The following PRKCE variants were observed in gnomAD, a reference collection of about 807,000 sequenced individuals.
PRKCE encodes the protein protein kinase C epsilon type.
In PRKCE, 16 loss-of-function variants were observed where a neutral mutation model predicts 85.4. The ratio of observed to expected loss-of-function variants is 0.19; its 90% CI spans 0.13 to 0.28. The LOEUF is 0.28. PRKCE is among the 10% of genes least tolerant of loss of function. The probability of loss-of-function intolerance (pLI) is 1.00; values close to 1 mark genes in which losing one functional copy is unlikely to be tolerated. For missense variants in PRKCE, 573 were observed against 975.2 expected (o/e 0.59, Z 5.49); for synonymous variants, 388 against 371.5 (o/e 1.04, Z -0.51).
At chr2:45,991,729 C>A (rs1447674241) in intron 6 of PRKCE, among the ~76,000 whole-genome samples, 1 of 152,210 alleles carries the variant, frequency 6.6e-6, no homozygotes, top group African/African-American at 2.4e-5. Flanking sequence ...TCACTTTAAA[C>A]CCTTGTCTTT....
At chr2:46,029,499 C>A (rs954966888) in intron 10 of PRKCE, among the ~76,000 whole-genome samples, 67 of 152,122 alleles carry the variant, frequency 4.4e-4, no homozygotes, top group Admixed American at 2.9e-3. Context: ...AAGATCCTGT[C>A]TGTTCACTGC....
At chr2:45,848,157 G>A (rs998014373) in intron 2 of PRKCE, among the ~76,000 whole-genome samples, 1 of 152,146 alleles carries the variant, frequency 6.6e-6, no homozygotes, top group Non-Finnish European at 1.5e-5. Flanking sequence ...GATACATATC[G>A]ACGGGTTCTC....
rs187574950 is a variant in PRKCE, at chr2:45,905,180, C to G, written c.412+62117C>G. ...GCCATCTCACACTGGCTAGGGCAAACCCTGGCTCAAGAGCATCCTTGACTT... is the reference window on the plus strand; with the variant it reads ...GCCATCTCACACTGGCTAGGGCAAAGCCTGGCTCAAGAGCATCCTTGACTT... On this transcript the variant is annotated intron_variant, in intron 2 of 14. Transcript: ENST00000306156. The surrounding 1 kb of genome is among the most constrained non-coding windows in gnomAD (Gnocchi z 4.4). Among the ~76,000 whole-genome samples the G allele has an allele frequency of 3.2e-3, 487 of 152,306 alleles. 12 individuals carry two copies. The highest frequency in any genetic ancestry group is 0.028 in the Admixed American group (423 of 15,308).
chr2:45,935,735 A>G (rs930599621), intron 2 of PRKCE, among the ~76,000 whole-genome samples: 1 of 151,912 alleles, frequency 6.6e-6, no homozygotes, highest in Non-Finnish European at 1.5e-5. Flanking sequence ...CAGTGAGCCA[A>G]GATCATGCCA....
In PRKCE at chr2:45,982,046, C is replaced by G. The variant is rs61764803; in HGVS notation, c.693+1665C>G. 2.7e-3 allele frequency among the ~76,000 whole-genome samples: 407 copies of G among 152,312 alleles called. 2 individuals carry two copies. Among genetic ancestry groups the G allele is most frequent in the African/African-American group, 9.5e-3 (395 of 41,558 alleles). ...AAGAAGTCTCCAGTGAAGTGTGTTC[C>G]CAAACTTGACATGTATCACCAAGGG... On this transcript the variant is annotated intron_variant, in intron 5 of 14. Transcript: ENST00000306156.
At chr2:45,814,589 A>G (rs1402163344) in intron 1 of PRKCE, among the ~76,000 whole-genome samples, 2 of 152,162 alleles carry the variant, frequency 1.3e-5, no homozygotes, top group Non-Finnish European at 2.9e-5. Context: ...AAAAGGAGGG[A>G]TGGGATACTC....
chr2:45,852,217 G>C (rs545993190), intron 2 of PRKCE, among the ~76,000 whole-genome samples: 10 of 152,342 alleles, frequency 6.6e-5, no homozygotes, highest in African/African-American at 2.4e-4. Context: ...ATTCAAGTTT[G>C]TGTGTTTCCT....
At chr2:45,714,581 CTGCTTTCTTTCCT>C (rs1288276537) in intron 1 of PRKCE, among the ~76,000 whole-genome samples, 1 of 152,234 alleles carries the variant, frequency 6.6e-6, no homozygotes, top group African/African-American at 2.4e-5. Flanking sequence ...GTCTTGCTTT[CTGCTTTCTTTCCT>C]TGCTTTCCTC....
chr2:46,037,602 C>T (rs1206603026), intron 10 of PRKCE, among the ~76,000 whole-genome samples: 2 of 152,158 alleles, frequency 1.3e-5, no homozygotes, highest in Admixed American at 1.3e-4. Flanking sequence ...GAGAAACATA[C>T]CCAAGCCATT....
At chr2:46,116,289 CT>C (rs1672759295) in intron 11 of PRKCE, among the ~76,000 whole-genome samples, 1 of 152,158 alleles carries the variant, frequency 6.6e-6, no homozygotes, top group South Asian at 2.1e-4. Flanking sequence ...GTGAGAGTTG[CT>C]TTCTAGAACT....
At position 45,652,330 on chromosome 2, in the gene PRKCE, G is replaced by A; in HGVS notation, c.230G>A (p.Arg77His). The change falls in exon 1 of 15, where the codon CGC becomes CAC. Residue 77 changes from arginine (R) to histidine (H), a missense_variant. Arg to His is a conservative substitution (Grantham distance 29, BLOSUM62 0). Transcript: ENST00000306156. This position sits in a 1 kb window ranked among gnomAD's most constrained non-coding sequence, Gnocchi z 7.7. ...TTCGTCACCGATGTGTGCAACGGAC[G>A]CAAGATCGAGCTGGCTGTCTTTCAC... ...DEFVTDVCNGRKIELAVFHDA... is the reference protein window; with the variant it reads ...DEFVTDVCNGHKIELAVFHDA... 1.2e-6 allele frequency: 2 copies of A among 1,613,722 alleles called. No homozygotes were observed. The highest frequency in any genetic ancestry group is 1.7e-6 in the Non-Finnish European group (2 of 1,180,012).
chr2:46,044,418 G>A (rs1708396006), intron 10 of PRKCE, among the ~76,000 whole-genome samples: 1 of 152,158 alleles, frequency 6.6e-6, no homozygotes, highest in African/African-American at 2.4e-5. Context: ...GAGCTCATCT[G>A]GTGCTTTGGG....
intron 1 of PRKCE, among the ~76,000 whole-genome samples, chr2:45,743,472 C>T (rs1226825319): frequency 1.3e-5 from 2 of 152,062 alleles, no homozygotes; most frequent in East Asian, 3.9e-4. Context: ...CCACCCCTCA[C>T]CGAGAGAGGC....
chr2:45,825,625 T>C (rs965667020), intron 1 of PRKCE, among the ~76,000 whole-genome samples: 1 of 152,214 alleles, frequency 6.6e-6, no homozygotes, highest in Non-Finnish European at 1.5e-5. Context: ...AGCTTGCTCC[T>C]ATAATCCCAG....
intron 10 of PRKCE, chr2:46,010,766 C>T (rs756787103): frequency 6.9e-6 from 11 of 1,597,450 alleles, no homozygotes; most frequent in Non-Finnish European, 9.3e-6. Context: ...TTGGACAAAG[C>T]CAAATGGCTA....
intron 14 of PRKCE, among the ~76,000 whole-genome samples, chr2:46,181,717 T>C (rs1246559190): frequency 3.3e-5 from 5 of 152,190 alleles, no homozygotes; most frequent in Non-Finnish European, 5.9e-5. Context: ...CACAATCAGG[T>C]AAATGGGGAG....
chr2:45,929,055 C>T (rs1445431336), intron 2 of PRKCE, among the ~76,000 whole-genome samples: 1 of 152,182 alleles, frequency 6.6e-6, no homozygotes, highest in Non-Finnish European at 1.5e-5. Context: ...TGGATTTAGC[C>T]TTGGCATGCC....
At position 45,940,772 on chromosome 2, in the gene PRKCE, C is replaced by T. The variant is rs143008349; in HGVS notation, c.413-35657C>T. Among the ~76,000 whole-genome samples the T allele has an allele frequency of 1.2e-3, 177 of 152,200 alleles. 2 individuals are homozygous for T. Among genetic ancestry groups the T allele is most frequent in the African/African-American group, 4.2e-3 (175 of 41,510 alleles). The stretch of plus-strand genomic sequence containing the variant: ...TTACAAGAATTAAAAAGTTGATAGG[C>T]ACCTGGCCGGGCGTGGTGGCTCATG... On this transcript the variant is annotated intron_variant, in intron 2 of 14. Transcript: ENST00000306156.
At chr2:45,930,092 A>T (rs978972839) in intron 2 of PRKCE, among the ~76,000 whole-genome samples, 1 of 152,188 alleles carries the variant, frequency 6.6e-6, no homozygotes, top group African/African-American at 2.4e-5. Flanking sequence ...TTCAAGTCTG[A>T]TGTTGGTTTC....
Sources: gnomAD v4.1 joint callset for allele counts (sites outside exome capture counted in the v4.1 genomes callset) on GRCh38, gnomAD v4.1.1 for gene constraint, Gnocchi (gnomAD v3.1) non-coding constraint, MANE v1.5 for transcripts, NCBI Gene and HGNC (gene_info 2026-07-23, HGNC 2026-07-21) for gene names.